DPP10: variants seen among roughly 807,000 people sequenced by gnomAD.
DPP10 encodes dipeptidyl peptidase like 10, also known as inactive dipeptidyl peptidase 10.
In DPP10, 33 loss-of-function variants were observed where a neutral mutation model predicts 120.9. The ratio of observed to expected loss-of-function variants is 0.27; its 90% confidence interval spans 0.21 to 0.37. The LOEUF (loss-of-function observed/expected upper bound fraction) is 0.37. DPP10 is among the 10% of genes least tolerant of loss of function. The pLI, the probability that DPP10 is intolerant of heterozygous loss-of-function variation, is 1.00. For missense variants in DPP10, 816 were observed against 942.8 expected, an observed-to-expected ratio of 0.87 and a Z score of 1.76; for synonymous variants, 337 against 326.1, an observed-to-expected ratio of 1.03 and a Z score of -0.36.
At chr2:114,736,072 G>A (rs563275082) in intron 1 of DPP10, among the ~76,000 whole-genome samples, 67 of 151,998 alleles carry the variant, frequency 4.4e-4, no homozygotes, top group East Asian at 2.0e-4. Flanking sequence ...TGTAGGGGGA[G>A]GATTGAAGTG....
At chr2:115,586,370 G>A (rs1341297900) in intron 5 of DPP10, among the ~76,000 whole-genome samples, 2 of 151,974 alleles carry the variant, frequency 1.3e-5, no homozygotes, top group African/African-American at 4.8e-5. Flanking sequence ...AAATATGACA[G>A]CAAATGTTCT....
chr2:115,725,913 G>T (rs2092755803), intron 7 of DPP10, among the ~76,000 whole-genome samples: 1 of 152,122 alleles, frequency 6.6e-6, no homozygotes. Flanking sequence ...CTAGAACAAA[G>T]TTCATATTTT....
At chr2:115,730,255 A>G (rs1326671305) in intron 8 of DPP10, among the ~76,000 whole-genome samples, 1 of 152,150 alleles carries the variant, frequency 6.6e-6, no homozygotes, top group Non-Finnish European at 1.5e-5. Flanking sequence ...AAAGGAGGAA[A>G]GACTCTAAAA....
At chr2:114,750,953 T>C (rs368311553) in intron 1 of DPP10, among the ~76,000 whole-genome samples, 1 of 152,196 alleles carries the variant, frequency 6.6e-6, no homozygotes, top group East Asian at 1.9e-4. Flanking sequence ...GTGATAAAAC[T>C]ATGATCTGGA....
At chr2:115,533,549 C>T (rs1424343244) in intron 5 of DPP10, among the ~76,000 whole-genome samples, 1 of 152,050 alleles carries the variant, frequency 6.6e-6, no homozygotes, top group East Asian at 1.9e-4. Context: ...AGTAACTCTT[C>T]TCTAGTGAAT....
intron 1 of DPP10, among the ~76,000 whole-genome samples, chr2:114,820,213 C>T (rs1361752630): frequency 6.6e-6 from 1 of 152,144 alleles, no homozygotes; most frequent in African/African-American, 2.4e-5. Context: ...ACCTCAACAA[C>T]ATCTCATGAG....
chr2:115,433,006 T>A (rs1336749827), intron 3 of DPP10, among the ~76,000 whole-genome samples: 2 of 151,910 alleles, frequency 1.3e-5, no homozygotes, highest in East Asian at 1.9e-4. Flanking sequence ...CAGAGCAGAA[T>A]CTCCAACTCT....
At chr2:115,062,128 C>A (rs946567343) in intron 1 of DPP10, among the ~76,000 whole-genome samples, 2 of 143,880 alleles carry the variant, frequency 1.4e-5, no homozygotes, top group African/African-American at 5.1e-5. Context: ...GATTACAGTT[C>A]TGTGTGTGTG....
chr2:115,791,381 A>G, intron 19 of DPP10, 25 bp downstream of exon 19: 1 of 1,555,968 alleles, frequency 6.4e-7, no homozygotes, highest in Non-Finnish European at 8.7e-7. Flanking sequence ...TGTTTTTAAA[A>G]TAAAGGAATC....
At chr2:115,752,212 T>C (rs199507952) in intron 10 of DPP10, among the ~76,000 whole-genome samples, 1 of 152,220 alleles carries the variant, frequency 6.6e-6, no homozygotes, top group Non-Finnish European at 1.5e-5. Context: ...GGTATGGCTG[T>C]AGACTGGATG....
intron 11 of DPP10, 110 bp downstream of exon 11, chr2:115,753,407 A>C (rs1679002743): frequency 9.8e-7 from 1 of 1,018,018 alleles, no homozygotes; most frequent in East Asian, 2.9e-5. Context: ...TTTAACTTTT[A>C]AAACTAATAG....
intron 1 of DPP10, among the ~76,000 whole-genome samples, chr2:114,540,600 T>G (rs760818454): frequency 6.6e-6 from 1 of 152,248 alleles, no homozygotes; most frequent in Non-Finnish European, 1.5e-5. Flanking sequence ...GGAGCCACAC[T>G]AAATATTTTT....
chr2:114,625,031 C>T (rs1424978603), intron 1 of DPP10, among the ~76,000 whole-genome samples: 2 of 151,832 alleles, frequency 1.3e-5, no homozygotes, highest in African/African-American at 4.8e-5. Context: ...AAGGAATTAA[C>T]AATAATTATG....
intron 5 of DPP10, among the ~76,000 whole-genome samples, chr2:115,648,618 A>C (rs1461725724): frequency 6.6e-6 from 1 of 152,042 alleles, no homozygotes; most frequent in Non-Finnish European, 1.5e-5. Context: ...AACTTAAAAA[A>C]AAAAAAAAGA....
chr2:114,995,335 A>G (rs1242130698), intron 1 of DPP10, among the ~76,000 whole-genome samples: 1 of 152,148 alleles, frequency 6.6e-6, no homozygotes, highest in Non-Finnish European at 1.5e-5. Flanking sequence ...TGTCTTGATT[A>G]AGTCTCTTTC....
chr2:114,963,942 T>G (rs1383144585), intron 1 of DPP10, among the ~76,000 whole-genome samples: 2 of 152,082 alleles, frequency 1.3e-5, no homozygotes, highest in Non-Finnish European at 2.9e-5. Context: ...GATGAAAGAT[T>G]TTATAAAAGC....
intron 1 of DPP10, among the ~76,000 whole-genome samples, chr2:114,880,455 C>T (rs947513381): frequency 6.6e-6 from 1 of 152,048 alleles, no homozygotes. Flanking sequence ...TGAGCTTTAC[C>T]TAGGAGGGCA....
chr2:115,219,065 A>G (rs12327976), intron 1 of DPP10, among the ~76,000 whole-genome samples: 12,857 of 152,138 alleles, frequency 0.085, 662 homozygotes, highest in African/African-American at 0.13. Flanking sequence ...TGAAGTAACT[A>G]TGGTTATCCT....
At chr2:115,834,338 A>G (rs1689229447) in intron 21 of DPP10, among the ~76,000 whole-genome samples, 1 of 152,226 alleles carries the variant, frequency 6.6e-6, no homozygotes, top group Non-Finnish European at 1.5e-5. Context: ...AAATCTTTCA[A>G]AAGTAGACTT....
Sources: allele counts gnomAD v4.1 joint callset (sites outside exome capture counted in the v4.1 genomes callset), GRCh38; gene constraint gnomAD v4.1.1; transcripts MANE v1.5; gene names NCBI Gene and HGNC (gene_info 2026-07-23, HGNC 2026-07-21).